ATG10: variants seen among roughly 807,000 people sequenced by gnomAD.
The protein encoded by ATG10 is ubiquitin-like-conjugating enzyme ATG10.
In ATG10, 30 loss-of-function variants were observed where a neutral mutation model predicts 32.1. That is an observed-to-expected ratio of 0.94 (90% confidence interval 0.70 to 1.27). The LOEUF is 1.27. Ranked by LOEUF, ATG10 falls within the 50% of genes most tolerant of loss-of-function variation. The probability of loss-of-function intolerance (pLI) is 0.00; values close to 1 mark genes in which losing one functional copy is unlikely to be tolerated. For missense variants in ATG10, 233 were observed against 262.3 expected, an observed-to-expected ratio of 0.89 and a Z score of 0.77; for synonymous variants, 87 against 91.5, an observed-to-expected ratio of 0.95 and a Z score of 0.28.
chr5:82,105,069 G>A (rs1377918205), intron 3 of ATG10, among the ~76,000 whole-genome samples: 12 of 152,022 alleles, frequency 7.9e-5, no homozygotes, highest in East Asian at 1.9e-4. Flanking sequence ...ACATAATGAC[G>A]TCAACAAAGC....
At chr5:82,077,293 G>C (rs72776851) in intron 3 of ATG10, among the ~76,000 whole-genome samples, 3 of 152,000 alleles carry the variant, frequency 2.0e-5, no homozygotes, top group African/African-American at 7.3e-5. Context: ...TCATACCATT[G>C]CACTCCAAGC....
chr5:82,190,367 A>T (rs997439509), intron 5 of ATG10, among the ~76,000 whole-genome samples: 7 of 151,894 alleles, frequency 4.6e-5, no homozygotes, highest in Admixed American at 6.6e-5. Flanking sequence ...ATTATATATA[A>T]AAATACACAT....
At chr5:82,245,684 T>G (rs1252074722) in intron 5 of ATG10, among the ~76,000 whole-genome samples, 5 of 152,206 alleles carry the variant, frequency 3.3e-5, no homozygotes, top group Admixed American at 3.3e-4. Flanking sequence ...AACTTGTTAT[T>G]TTTCTATATC....
intron 7 of ATG10, 23 bp downstream of exon 7, chr5:82,253,452 A>G: frequency 6.9e-7 from 1 of 1,456,438 alleles, no homozygotes; most frequent in Non-Finnish European, 9.6e-7. Flanking sequence ...CCTGGATTTA[A>G]TGTTTTGCCG....
chr5:82,238,298 C>T (rs137944293), intron 5 of ATG10, among the ~76,000 whole-genome samples: 2,057 of 152,304 alleles, frequency 0.014, 19 homozygotes, highest in Middle Eastern at 0.037. Context: ...CAGAAGGAAT[C>T]TTTCTTCGCA....
intron 3 of ATG10, among the ~76,000 whole-genome samples, chr5:82,098,484 T>C (rs951002936): frequency 3.3e-5 from 5 of 151,932 alleles, no homozygotes; most frequent in African/African-American, 1.2e-4. Flanking sequence ...CTAATTTTTG[T>C]TTTTTTAGTA....
chr5:82,160,530 T>C (rs372415669), intron 3 of ATG10, among the ~76,000 whole-genome samples: 2 of 152,268 alleles, frequency 1.3e-5, no homozygotes, highest in East Asian at 3.9e-4. Flanking sequence ...GTGCAGTTGG[T>C]CGGTTGTGTG....
At chr5:82,141,357 C>T (rs534771793) in intron 3 of ATG10, among the ~76,000 whole-genome samples, 1 of 151,974 alleles carries the variant, frequency 6.6e-6, no homozygotes, top group Non-Finnish European at 1.5e-5. Context: ...GATTCAATCA[C>T]AATCATTACT....
chr5:81,973,668 C>G (rs895230546), intron 1 of ATG10, among the ~76,000 whole-genome samples: 1 of 152,066 alleles, frequency 6.6e-6, no homozygotes, highest in African/African-American at 2.4e-5. Context: ...GGACATAGGC[C>G]CTGTGTGGTA....
intron 3 of ATG10, among the ~76,000 whole-genome samples, chr5:82,070,674 A>T (rs890808125): frequency 6.6e-6 from 1 of 152,104 alleles, no homozygotes; most frequent in African/African-American, 2.4e-5. Context: ...AGCAATGCCC[A>T]CAACAGTACC....
chr5:82,122,733 A>G (rs1561309653), intron 3 of ATG10, among the ~76,000 whole-genome samples: 1 of 152,254 alleles, frequency 6.6e-6, no homozygotes, highest in African/African-American at 2.4e-5. Flanking sequence ...GAAGACATAC[A>G]TGTGGCCAAC....
intron 6 of ATG10, 83 bp from the exon 7 acceptor site, chr5:82,253,231 T>C (rs545109258): frequency 1.7e-5 from 15 of 904,056 alleles, no homozygotes; most frequent in Middle Eastern, 2.2e-4. Context: ...TTTGTTATTG[T>C]TGGTGACCAA....
At chr5:81,982,468 A>G (rs1364513100) in intron 1 of ATG10, among the ~76,000 whole-genome samples, 1 of 152,088 alleles carries the variant, frequency 6.6e-6, no homozygotes, top group Admixed American at 6.5e-5. Flanking sequence ...AACAAAACAA[A>G]ACAACTTATA....
chr5:82,216,367 A>C (rs760763375), intron 5 of ATG10, among the ~76,000 whole-genome samples: 1 of 152,238 alleles, frequency 6.6e-6, no homozygotes, highest in Non-Finnish European at 1.5e-5. Flanking sequence ...CTTATTTTCA[A>C]GTAACTTTCC....
intron 3 of ATG10, among the ~76,000 whole-genome samples, chr5:82,125,944 T>G (rs181203679): frequency 6.6e-6 from 1 of 152,040 alleles, no homozygotes; most frequent in African/African-American, 2.4e-5. Flanking sequence ...GTGTCCTCTC[T>G]TATTTCCTTG....
intron 3 of ATG10, among the ~76,000 whole-genome samples, chr5:82,108,223 C>T (rs188352165): frequency 3.3e-5 from 5 of 152,064 alleles, no homozygotes; most frequent in African/African-American, 9.6e-5. Context: ...AAAGATTAGA[C>T]ATTTTTATAC....
rs1744117350 is a variant in ATG10 at position 82,178,522 on chromosome 5, G to A, written c.388G>A (p.Glu130Lys). 1 of 1,612,132 alleles carries A rather than the reference G, an allele frequency of 6.2e-7. No individual in the cohort carries two copies. Among genetic ancestry groups the A allele is most frequent in the Non-Finnish European group, 8.5e-7 (1 of 1,178,494 alleles). Residue 130 changes from glutamate (E) to lysine (K), a missense_variant, in exon 5 of 8, where the codon GAA becomes AAA. Coordinates refer to ENST00000282185, the MANE Select transcript of ATG10 (RefSeq NM_031482.5). ...ACCTTTAACTCTGAAGGACATATGG[G>A]AAGGAGTTCATGAGTGCTATAAGAT... ...GRPLTLKDIW[E>K]GVHECYKMRL...
intron 2 of ATG10, among the ~76,000 whole-genome samples, chr5:82,037,516 G>A (rs1042890070): frequency 2.0e-5 from 3 of 151,288 alleles, no homozygotes; most frequent in South Asian, 4.2e-4. Context: ...CAAAGTGCTG[G>A]GATTACAGGC....
intron 5 of ATG10, among the ~76,000 whole-genome samples, chr5:82,207,539 T>C (rs1259644600): frequency 6.6e-6 from 1 of 152,218 alleles, no homozygotes; most frequent in Non-Finnish European, 1.5e-5. Flanking sequence ...AGTTCTTTGA[T>C]GGATGTATAT....
Sources: gnomAD v4.1 joint callset for allele counts (sites outside exome capture counted in the v4.1 genomes callset) on GRCh38, gnomAD v4.1.1 for gene constraint, MANE v1.5 for transcripts, NCBI Gene and HGNC (gene_info 2026-07-23, HGNC 2026-07-21) for gene names.